Variants in PSD3 observed in about 807,000 individuals in gnomAD.
PSD3 encodes pleckstrin and Sec7 domain containing 3, also known as PH and SEC7 domain-containing protein 3.
PSD3 carries 49 observed loss-of-function variants against 105.5 expected under a neutral mutation model. The observed-to-expected ratio is 0.46, with a 90% CI of 0.37 to 0.59. The LOEUF is 0.59. PSD3 is among the 20% of genes least tolerant of loss of function. The pLI is 0.00. For missense variants in PSD3, 1,561 were observed against 1,263.8 expected (o/e 1.24, Z -3.57); for synonymous variants, 557 against 457.8 (o/e 1.22, Z -2.77).
intron 15 of PSD3, among the ~76,000 whole-genome samples, chr8:18,538,786 A>T (rs1799975837): frequency 6.6e-6 from 1 of 152,228 alleles, no homozygotes; most frequent in South Asian, 2.1e-4. Context: ...CTCATTTTAC[A>T]GCTCCAGCTG....
At position 18,871,910 on chromosome 8, in the gene PSD3, A is replaced by G. The variant is rs1817380307; in HGVS notation, c.954T>C (p.His318=). Residue 318 remains histidine (H), a synonymous_variant, in exon 3 of 16, where the codon CAT becomes CAC. Coordinates refer to ENST00000327040, the MANE Select transcript of PSD3 (RefSeq NM_015310.4). ...GCAGTGATGTCTCAAAATCTATAGG[A>G]TGCTGGGTCTCTCTCTTGTCTCCTC... The part of the protein sequence containing the change: ...WTGGDKRETQ[H]PIDFETSLQR... 2 of 1,614,154 alleles carry G rather than the reference A, an allele frequency of 1.2e-6. No individual in the cohort carries two copies. Among genetic ancestry groups the G allele is most frequent in the South Asian group, 2.2e-5 (2 of 91,078 alleles).
At chr8:18,994,137 G>A (rs971744091) in intron 1 of PSD3, among the ~76,000 whole-genome samples, 1 of 151,942 alleles carries the variant, frequency 6.6e-6, no homozygotes, top group Non-Finnish European at 1.5e-5. Flanking sequence ...TAAAATGTGA[G>A]TCATGACAGG....
intron 9 of PSD3, among the ~76,000 whole-genome samples, chr8:18,739,806 A>G (rs866257353): frequency 3.3e-5 from 5 of 152,202 alleles, no homozygotes; most frequent in Admixed American, 6.5e-5. Context: ...TGCAGTGAGA[A>G]CATTTGAAAT....
At chr8:18,908,140 T>C (rs906070172) in intron 2 of PSD3, among the ~76,000 whole-genome samples, 2 of 152,176 alleles carry the variant, frequency 1.3e-5, no homozygotes, top group African/African-American at 4.8e-5. Context: ...TTCATCTCTG[T>C]TGGCAAAAGA....
At chr8:18,920,727 T>A (rs1820954653) in intron 2 of PSD3, among the ~76,000 whole-genome samples, 1 of 152,140 alleles carries the variant, frequency 6.6e-6, no homozygotes, top group African/African-American at 2.4e-5. Flanking sequence ...GTAGAATAGT[T>A]CTTCCTGGTG....
intron 10 of PSD3, among the ~76,000 whole-genome samples, chr8:18,643,798 A>C (rs570452093): frequency 6.6e-6 from 1 of 152,348 alleles, no homozygotes; most frequent in African/African-American, 2.4e-5. Context: ...GGAATATCCC[A>C]CATCTTTTGA....
chr8:18,753,856 G>A (rs920578419), intron 9 of PSD3, among the ~76,000 whole-genome samples: 1 of 152,100 alleles, frequency 6.6e-6, no homozygotes, highest in African/African-American at 2.4e-5. Flanking sequence ...TTGCAGTGCT[G>A]TAATGCAGCC....
At chr8:18,976,746 C>A (rs376714075) in intron 1 of PSD3, among the ~76,000 whole-genome samples, 1 of 152,166 alleles carries the variant, frequency 6.6e-6, no homozygotes, top group Admixed American at 6.5e-5. Flanking sequence ...CTGTTCTATG[C>A]ATTTATCCAT....
chr8:18,833,037 T>C (rs1481011869), intron 4 of PSD3, among the ~76,000 whole-genome samples: 1 of 152,170 alleles, frequency 6.6e-6, no homozygotes, highest in Non-Finnish European at 1.5e-5. Context: ...TGAGAGATGA[T>C]TTTTAAAAAG....
At chr8:18,698,143 G>A (rs545643837) in intron 9 of PSD3, among the ~76,000 whole-genome samples, 212 of 152,284 alleles carry the variant, frequency 1.4e-3, no homozygotes, top group African/African-American at 4.6e-3. Context: ...CTGTAGCCCA[G>A]GCTCAAGTGC....
At chr8:18,672,346 T>C (rs1799831804) in intron 9 of PSD3, among the ~76,000 whole-genome samples, 1 of 151,554 alleles carries the variant, frequency 6.6e-6, no homozygotes. Flanking sequence ...AAATGGCCTG[T>C]AAAAAAAACA....
At chr8:19,023,882 G>T (rs1827450106) in intron 1 of PSD3, among the ~76,000 whole-genome samples, 1 of 152,182 alleles carries the variant, frequency 6.6e-6, no homozygotes, top group Non-Finnish European at 1.5e-5. Flanking sequence ...ATACATGATT[G>T]CCCTGATTTA....
At position 18,664,044 on chromosome 8, in the gene PSD3, T is replaced by C. The variant is rs143301811; in HGVS notation, c.2173-8359A>G. On this transcript the variant is annotated intron_variant, in intron 9 of 15. Transcript: ENST00000327040. ...CATAAGATGGTAAACTTAATAAATG[T>C]TATGTGTTCTGAGCACTGCACTGAC... Among the ~76,000 whole-genome samples the C allele has an allele frequency of 1.7e-3, 258 of 152,340 alleles. 1 individual carries two copies. Among genetic ancestry groups the C allele is most frequent in the African/African-American group, 5.8e-3 (243 of 41,566 alleles).
At chr8:18,559,914 G>C (rs895669367) in intron 14 of PSD3, among the ~76,000 whole-genome samples, 3 of 152,168 alleles carry the variant, frequency 2.0e-5, no homozygotes, top group African/African-American at 7.2e-5. Context: ...TAAAGGGCTA[G>C]TCATTTAGGC....
intron 9 of PSD3, among the ~76,000 whole-genome samples, chr8:18,758,173 T>C (rs754755784): frequency 6.6e-6 from 1 of 152,176 alleles, no homozygotes; most frequent in Non-Finnish European, 1.5e-5. Context: ...AACCTAGTCT[T>C]ATTCTGATGT....
chr8:19,009,799 G>A (rs1162358229), intron 1 of PSD3, among the ~76,000 whole-genome samples: 1 of 149,616 alleles, frequency 6.7e-6, no homozygotes, highest in Non-Finnish European at 1.5e-5. Context: ...GCTGAGACAG[G>A]AGAATTGCTT....
chr8:18,773,059 T>C (rs1156756200), intron 8 of PSD3, among the ~76,000 whole-genome samples: 1 of 152,208 alleles, frequency 6.6e-6, no homozygotes, highest in Non-Finnish European at 1.5e-5. Context: ...TTGTTGCCTG[T>C]GCTTTTGGTG....
At chr8:18,857,161 T>A (rs555467222) in intron 4 of PSD3, among the ~76,000 whole-genome samples, 25 of 152,288 alleles carry the variant, frequency 1.6e-4, no homozygotes, top group African/African-American at 5.8e-4. Context: ...AATCCTCCCC[T>A]CCAAAAGCGG....
intron 2 of PSD3, among the ~76,000 whole-genome samples, chr8:18,935,708 A>AC (rs35743546): frequency 4.0e-5 from 6 of 149,746 alleles, no homozygotes; most frequent in African/African-American, 9.8e-5. Flanking sequence ...AAAAAAAAAA[A>AC]CCACCAAAAA....
Sources: allele counts gnomAD v4.1 joint callset (sites outside exome capture counted in the v4.1 genomes callset), GRCh38; gene constraint gnomAD v4.1.1; transcripts MANE v1.5; gene names NCBI Gene and HGNC (gene_info 2026-07-23, HGNC 2026-07-21).